NHLRC2: variants seen among roughly 807,000 people sequenced by gnomAD.
NHLRC2 encodes the protein NHL repeat containing 2.
Under a neutral mutation model 68.1 loss-of-function variants are expected in NHLRC2, and 33 were observed. The ratio of observed to expected loss-of-function variants is 0.48; its 90% confidence interval spans 0.37 to 0.65. The LOEUF (loss-of-function observed/expected upper bound fraction) is 0.65, where lower values mean the gene tolerates loss of function less well. Ranked by LOEUF, NHLRC2 falls within the 30% of genes least tolerant of loss-of-function variation. The pLI, the probability that NHLRC2 is intolerant of heterozygous loss-of-function variation, is 0.00. For missense variants in NHLRC2, 761 were observed against 853.8 expected, an observed-to-expected ratio of 0.89 and a Z score of 1.35; for synonymous variants, 311 against 309.6, an observed-to-expected ratio of 1.00 and a Z score of -0.05.
intron 2 of NHLRC2, among the ~76,000 whole-genome samples, chr10:113,862,163 G>A (rs995952281): frequency 3.3e-5 from 5 of 152,026 alleles, no homozygotes; most frequent in African/African-American, 1.2e-4. Flanking sequence ...AACGCCATGA[G>A]CCACCGAGCC....
In NHLRC2 at chr10:113,908,002, A is replaced by C. The variant is rs535964590; in HGVS notation, c.1925-278A>C. 2.0e-5 allele frequency among the ~76,000 whole-genome samples: 3 copies of C among 152,288 alleles called. No homozygotes were observed. The South Asian group carries it at 6.2e-4, about 32-fold the overall frequency. On this transcript the variant is annotated intron_variant, in intron 10 of 10. Transcript: ENST00000369301. ...AAGGCTTTATAGCCATATTTGCAAT[A>C]TTCAGCTTGATTTTAATAAGAGTAA... is the stretch of plus-strand genomic sequence containing the variant.
At position 113,915,559 on chromosome 10, in the gene NHLRC2, A is replaced by G. The variant is rs1464002195; in HGVS notation, c.*7023A>G. 3.8e-6 allele frequency: 1 copy of G among 259,966 alleles called. No individual in the cohort carries two copies. The highest frequency in any genetic ancestry group is 7.5e-6 in the Non-Finnish European group (1 of 132,690). The allele number at this position is 259,966 out of a possible 1,614,324, so 16.1% of individuals were successfully genotyped here. On this transcript the variant is annotated 3_prime_UTR_variant, in exon 11 of 11. Transcript: ENST00000369301. ...TTGAAATAAAATGAAAGGAGACCTC[A>G]AACTGATGCTGAGAAGTAGACAAAA...
rs577396209 is a variant in NHLRC2, at chr10:113,913,109, C to G, written c.*4573C>G. The G allele has an allele frequency of 1.3e-4, 20 of 152,120 alleles. No homozygotes were observed. The highest frequency in any genetic ancestry group is 3.9e-4 in the Admixed American group (6 of 15,276). 9.4% of individuals were successfully genotyped at this position (152,120 alleles called of 1,614,324 possible). Reference sequence around the variant, plus strand: ...CCTTATGTGAGAAATACCATTTTTCCTTATTTGATTGGTGAAGAAGCACAC... The same window carrying G: ...CCTTATGTGAGAAATACCATTTTTCGTTATTTGATTGGTGAAGAAGCACAC... On this transcript the variant is annotated 3_prime_UTR_variant, in exon 11 of 11. Transcript: ENST00000369301.
rs1564862269 is a variant in NHLRC2 at position 113,916,712 on chromosome 10, C to CTT, written c.*8179_*8180dup. On this transcript the variant is annotated 3_prime_UTR_variant, in exon 11 of 11. Transcript: ENST00000369301. ...TTTAGAAACTCAAACTCTTTCCCAT[C>CTT]TTTTGTATGGATAAAGTTTATGGTT... The CTT allele has an allele frequency of 6.6e-6, 1 of 152,110 alleles. No individual in the cohort carries two copies. The highest frequency in any genetic ancestry group is 6.5e-5 in the Admixed American group (1 of 15,268). 9.4% of individuals were successfully genotyped at this position (152,110 alleles called of 1,614,324 possible).
At position 113,904,927 on chromosome 10, in the gene NHLRC2, C is replaced by A; in HGVS notation, c.1815C>A (p.Pro605=). The stretch of plus-strand genomic sequence containing the variant: ...CTGCTCCAAGCATTAGGCTTTCCCC[C>A]GTGACTGCGTGTGCTGGCCAGACTC... ...PKSAPSIRLS[P]VTACAGQTLQ... Residue 605 remains proline, a synonymous_variant, in exon 10 of 11, where the codon CCC becomes CCA. Coordinates refer to ENST00000369301, the MANE Select transcript of NHLRC2 (RefSeq NM_198514.4). The A allele has an allele frequency of 6.2e-7, 1 of 1,605,010 alleles. No individual in the cohort carries two copies. Among genetic ancestry groups the A allele is most frequent in the South Asian group, 1.1e-5 (1 of 89,244 alleles).
intron 1 of NHLRC2, 129 bp downstream of exon 1, chr10:113,855,179 A>G: frequency 1.2e-6 from 1 of 808,074 alleles, no homozygotes; most frequent in South Asian, 1.6e-5. Flanking sequence ...CCCTTCGCCT[A>G]ACTTGGGCCG....
chr10:113,908,620 A>T lies in NHLRC2; in HGVS notation c.*84A>T, dbSNP rs1846296212. 2 of 1,367,954 alleles carry T rather than the reference A, an allele frequency of 1.5e-6. No homozygotes were observed. Among genetic ancestry groups the T allele is most frequent in the Non-Finnish European group, 2.0e-6 (2 of 983,546 alleles). 84.7% of individuals were successfully genotyped at this position (1,367,954 alleles called of 1,614,324 possible). ...CTGTAATTTAAGGAAAGAAAACTTCAGTTCTGCCTCTGGATACCAAGATGC... is the reference window on the plus strand; with the variant it reads ...CTGTAATTTAAGGAAAGAAAACTTCTGTTCTGCCTCTGGATACCAAGATGC... On this transcript the variant is annotated 3_prime_UTR_variant, in exon 11 of 11. Transcript: ENST00000369301.
At chr10:113,901,993 C>T (rs759461102) in intron 7 of NHLRC2, 96 bp downstream of exon 7, 55 of 854,518 alleles carry the variant, frequency 6.4e-5, no homozygotes, top group Non-Finnish European at 9.9e-5. Context: ...GAGAGACCAT[C>T]CTTGGCCTAT....
In NHLRC2 at chr10:113,909,951, A is replaced by G. The variant is rs1201116765; in HGVS notation, c.*1415A>G. 6.6e-6 allele frequency: 1 copy of G among 152,154 alleles called. No homozygotes were observed. Among genetic ancestry groups the G allele is most frequent in the Non-Finnish European group, 1.5e-5 (1 of 68,016 alleles). 9.4% of individuals were successfully genotyped at this position (152,154 alleles called of 1,614,324 possible). A position where few individuals can be genotyped will look rare whatever the true frequency, so the allele number is the denominator to read the frequency against. On this transcript the variant is annotated 3_prime_UTR_variant, in exon 11 of 11. Coordinates refer to ENST00000369301, the MANE Select transcript of NHLRC2 (RefSeq NM_198514.4). ...TTAATTTTGTTTGAAATGTAGTATT[A>G]GTTTGTTTTATTCATAAGGTTAGCT...
rs368416427 is a variant in NHLRC2, at chr10:113,904,842, C to T, written c.1730C>T (p.Ala577Val). ...SVLPIFRSEN[A>V]VVDGPFLVEK... ...CTCCCCATCTTCAGATCTGAAAATG[C>T]TGTGGTAGATGGCCCGTTCCTAGTA... The change falls in exon 10 of 11, where the codon GCT becomes GTT. Residue 577 changes from alanine (A) to valine (V), a missense_variant. Physicochemically the swap from Ala to Val is moderately conservative, Grantham distance 64 (BLOSUM62 0). Transcript: ENST00000369301. 1.1e-5 allele frequency: 17 copies of T among 1,613,228 alleles called. No homozygotes were observed. The highest frequency in any genetic ancestry group is 1.4e-5 in the Non-Finnish European group (16 of 1,179,476).
At chr10:113,873,196 C>A (rs1372052717) in intron 2 of NHLRC2, among the ~76,000 whole-genome samples, 1 of 152,142 alleles carries the variant, frequency 6.6e-6, no homozygotes, top group East Asian at 1.9e-4. Context: ...CTTCAAGAAT[C>A]AATCAAGGTT....
Position 113,876,743 on chromosome 10 carries a change from A to G in NHLRC2, c.554A>G (p.Asp185Gly), listed in dbSNP as rs752762490. 1.2e-6 allele frequency: 2 copies of G among 1,612,978 alleles called. No homozygotes were observed. The highest frequency in any genetic ancestry group is 1.7e-6 in the Non-Finnish European group (2 of 1,179,030). Residue 185 changes from aspartate (D) to glycine (G), a missense_variant, in exon 3 of 11, where the codon GAT becomes GGT. Coordinates refer to ENST00000369301, the MANE Select transcript of NHLRC2 (RefSeq NM_198514.4). ...TCTTTGATTGGAGAGGGACACAAAG[A>G]TAAATTATTTTTATATACTTCAATT... ...LFSLIGEGHK[D>G]KLFLYTSIAL...
chr10:113,912,506 A>G lies in NHLRC2; in HGVS notation c.*3970A>G, dbSNP rs1846338579. On this transcript the variant is annotated 3_prime_UTR_variant, in exon 11 of 11. Coordinates refer to ENST00000369301, the MANE Select transcript of NHLRC2 (RefSeq NM_198514.4). ...AAAAATTTTTTGTACGACTTTCTGGAGCTACAAGTAATGAACTTGCTTTGA... is the reference window on the plus strand; with the variant it reads ...AAAAATTTTTTGTACGACTTTCTGGGGCTACAAGTAATGAACTTGCTTTGA... 6.6e-6 allele frequency: 1 copy of G among 152,212 alleles called. No individual in the cohort carries two copies. Among genetic ancestry groups the G allele is most frequent in the African/African-American group, 2.4e-5 (1 of 41,462 alleles). The allele number at this position is 152,212 out of a possible 1,614,324, so 9.4% of individuals were successfully genotyped here.
In NHLRC2 at chr10:113,854,713, C is replaced by A. The variant is rs1343969730; in HGVS notation, c.-160C>A. ...CCGATTTGGACTTTTGGCACTTGGA[C>A]CTATGCTTTAAAAAGAAAAAAGTGT... On this transcript the variant is annotated 5_prime_UTR_variant, in exon 1 of 11. Transcript: ENST00000369301. 3.3e-6 allele frequency: 2 copies of A among 613,642 alleles called. No individual in the cohort carries two copies. 38.0% of individuals were successfully genotyped at this position (613,642 alleles called of 1,614,324 possible).
chr10:113,908,250 A>G, intron 10 of NHLRC2, 30 bp from the exon 11 acceptor site: 4 of 1,562,038 alleles, frequency 2.6e-6, no homozygotes, highest in Non-Finnish European at 3.5e-6. Flanking sequence ...TATCTTATAC[A>G]GTCTTAATAA....
At chr10:113,862,997 G>A (rs1403222005) in intron 2 of NHLRC2, among the ~76,000 whole-genome samples, 1 of 152,046 alleles carries the variant, frequency 6.6e-6, no homozygotes, top group Non-Finnish European at 1.5e-5. Flanking sequence ...TTAATACATA[G>A]ATGATATGAT....
rs375702796 is a variant in NHLRC2, at chr10:113,868,141, G to A, written c.332-8380G>A. 5.9e-5 allele frequency among the ~76,000 whole-genome samples: 9 copies of A among 152,206 alleles called. No individual in the cohort carries two copies. The East Asian group carries it at 1.7e-3, about 29-fold the overall frequency. ...AGTGCTGGTATTACAAACAGCCTGA[G>A]CCACCATGTATGTGTGGTTTTTTTA... On this transcript the variant is annotated intron_variant, in intron 2 of 10. Transcript: ENST00000369301.
At position 113,912,803 on chromosome 10, in the gene NHLRC2, AGTG is replaced by A. The variant is rs1846341807; in HGVS notation, c.*4271_*4273del. On this transcript the variant is annotated 3_prime_UTR_variant, in exon 11 of 11. Transcript: ENST00000369301. ...AACCGGAATAGTGCTCGATGCCTGA[AGTG>A]GTGCCTGGCGCCAGCAGATGTTCAC... 1 of 152,206 alleles carries A rather than the reference AGTG, an allele frequency of 6.6e-6. No individual in the cohort carries two copies. The highest frequency in any genetic ancestry group is 2.4e-5 in the African/African-American group (1 of 41,442). The allele number at this position is 152,206 out of a possible 1,614,324, so 9.4% of individuals were successfully genotyped here.
chr10:113,857,076 T>G (rs1449023457), intron 1 of NHLRC2, among the ~76,000 whole-genome samples: 2 of 152,214 alleles, frequency 1.3e-5, no homozygotes, highest in Non-Finnish European at 2.9e-5. Flanking sequence ...AAGTAATATA[T>G]GTAAAATTCT....
Sources: gnomAD v4.1 joint callset for allele counts (sites outside exome capture counted in the v4.1 genomes callset) on GRCh38, gnomAD v4.1.1 for gene constraint, MANE v1.5 for transcripts, NCBI Gene and HGNC (gene_info 2026-07-23, HGNC 2026-07-21) for gene names.